PTPRQ: variants seen among roughly 807,000 people sequenced by gnomAD.
The protein encoded by PTPRQ is phosphatidylinositol phosphatase PTPRQ.
In PTPRQ, 199 loss-of-function variants were observed where a neutral mutation model predicts 246.0. The observed-to-expected ratio is 0.81, with a 90% CI of 0.72 to 0.91. The LOEUF (loss-of-function observed/expected upper bound fraction) is 0.91. PTPRQ is among the 40% of genes least tolerant of loss of function. PTPRQ has a pLI of 0.00. For missense variants in PTPRQ, 2,624 were observed against 2,528.4 expected (o/e 1.04, Z -0.81); for synonymous variants, 869 against 853.2 (o/e 1.02, Z -0.32).
At chr12:80,626,511 G>A (rs1899205747) in intron 33 of PTPRQ, among the ~76,000 whole-genome samples, 1 of 152,114 alleles carries the variant, frequency 6.6e-6, no homozygotes, top group Non-Finnish European at 1.5e-5. Flanking sequence ...ATAAACTCAT[G>A]CATCTTCACT....
chr12:80,504,439 A>G (rs1485086091), intron 14 of PTPRQ, among the ~76,000 whole-genome samples: 1 of 151,790 alleles, frequency 6.6e-6, no homozygotes, highest in Non-Finnish European at 1.5e-5. Flanking sequence ...ATTTCTTGAA[A>G]CACATTAAAC....
At chr12:80,609,410 G>C (rs1483016077) in intron 27 of PTPRQ, among the ~76,000 whole-genome samples, 2 of 150,564 alleles carry the variant, frequency 1.3e-5, no homozygotes, top group Non-Finnish European at 3.0e-5. Context: ...GGACTTAATA[G>C]TGTTCACTGT....
At chr12:80,669,233 AC>A (rs1900887778) in intron 40 of PTPRQ, 92 bp downstream of exon 40, 2 of 1,528,050 alleles carry the variant, frequency 1.3e-6, no homozygotes, top group Non-Finnish European at 1.8e-6. Flanking sequence ...GTCATCAATA[AC>A]CTGGACATCT....
chr12:80,589,191 G>A (rs1039850115), intron 26 of PTPRQ, among the ~76,000 whole-genome samples: 3 of 152,106 alleles, frequency 2.0e-5, no homozygotes, highest in African/African-American at 7.2e-5. Flanking sequence ...AGTAAAAAAT[G>A]TATATTCCTT....
chr12:80,452,186 C>A (rs1172964801), intron 3 of PTPRQ, among the ~76,000 whole-genome samples: 4 of 140,512 alleles, frequency 2.8e-5, no homozygotes, highest in Non-Finnish European at 4.6e-5. Context: ...AGGATTGCAA[C>A]CCCTGCCTTT....
rs1413606565 is a variant in PTPRQ, at chr12:80,638,500, A to C, written c.5915+3427A>C. On this transcript the variant is annotated intron_variant, in intron 35 of 44. Coordinates refer to ENST00000644991, the MANE Select transcript of PTPRQ (RefSeq NM_001145026.2). ...ACCAACTAGGCAAAAATAAAACAAA[A>C]AACAAACATGGTGCTTGGTACTAAG... Among the ~76,000 whole-genome samples, 4 of 152,296 alleles carry C rather than the reference A, an allele frequency of 2.6e-5. No homozygotes were observed. The South Asian group carries it at 8.3e-4, about 32-fold the overall frequency.
intron 20 of PTPRQ, among the ~76,000 whole-genome samples, chr12:80,541,253 C>T (rs962838440): frequency 6.6e-6 from 1 of 151,852 alleles, no homozygotes; most frequent in Non-Finnish European, 1.5e-5. Context: ...TATACATACA[C>T]ATATTATGCA....
At chr12:80,648,862 G>T in intron 35 of PTPRQ, 35 bp from the exon 36 acceptor site, 2 of 1,518,398 alleles carry the variant, frequency 1.3e-6, no homozygotes, top group South Asian at 2.6e-5. Flanking sequence ...TGTCCACTCT[G>T]ACTCACAATG....
chr12:80,463,179 G>C (rs1231599014), intron 6 of PTPRQ, among the ~76,000 whole-genome samples: 2 of 152,232 alleles, frequency 1.3e-5, no homozygotes, highest in Non-Finnish European at 2.9e-5. Context: ...TAAAGGAGCT[G>C]ATGGAGCTGA....
chr12:80,645,662 A>C (rs1191337740), intron 35 of PTPRQ, among the ~76,000 whole-genome samples: 1 of 151,920 alleles, frequency 6.6e-6, no homozygotes, highest in Non-Finnish European at 1.5e-5. Flanking sequence ...TGTCCTTGGA[A>C]ATTTGATTTT....
chr12:80,648,345 T>C (rs1415641231), intron 35 of PTPRQ, among the ~76,000 whole-genome samples: 2 of 152,114 alleles, frequency 1.3e-5, no homozygotes, highest in African/African-American at 4.8e-5. Flanking sequence ...ATTATTTTTG[T>C]TTACAGAGTA....
At chr12:80,602,565 GA>G (rs1476436593) in intron 26 of PTPRQ, among the ~76,000 whole-genome samples, 1 of 151,728 alleles carries the variant, frequency 6.6e-6, no homozygotes, top group African/African-American at 2.4e-5. Context: ...TCACACAGTG[GA>G]AAGCAGAAGA....
chr12:80,626,863 G>A (rs1554838), intron 33 of PTPRQ, among the ~76,000 whole-genome samples: 10,064 of 152,106 alleles, frequency 0.066, 410 homozygotes, highest in East Asian at 0.13. Flanking sequence ...GGCTTTTGAG[G>A]TTAGTGTTCA....
rs1896180360 is a variant in PTPRQ at position 80,542,313 on chromosome 12, A to G, written c.3670A>G (p.Arg1224Gly). ...LYSFFAAART[R>G]KGLGPSSILF... ...TAGCTTTTTTGCTGCCGCAAGAACT[A>G]GAAAAGGACTTGGTCCTTCCAGTAT... Residue 1224 changes from arginine to glycine, a missense_variant, in exon 22 of 45, where the codon AGA (arginine) becomes GGA (glycine). Coordinates refer to ENST00000644991, the MANE Select transcript of PTPRQ (RefSeq NM_001145026.2). The G allele has an allele frequency of 2.6e-6, 4 of 1,549,338 alleles. No individual in the cohort carries two copies. The highest frequency in any genetic ancestry group is 3.5e-6 in the Non-Finnish European group (4 of 1,146,290).
chr12:80,663,457 G>A lies in PTPRQ; in HGVS notation c.6192+5396G>A, dbSNP rs937312402. ...GGGTCAAGTTGCCTCAATCCTCAGTGCCACCTCCACATCATTCTCTATCCC... is the reference window on the plus strand; with the variant it reads ...GGGTCAAGTTGCCTCAATCCTCAGTACCACCTCCACATCATTCTCTATCCC... On this transcript the variant is annotated intron_variant, in intron 39 of 44. Transcript: ENST00000644991. Among the ~76,000 whole-genome samples the A allele has an allele frequency of 2.0e-5, 3 of 151,912 alleles. No homozygotes were observed. The East Asian group carries it at 5.8e-4, about 30-fold the overall frequency.
chr12:80,554,411 G>T (rs996004107), intron 25 of PTPRQ, among the ~76,000 whole-genome samples: 1 of 152,082 alleles, frequency 6.6e-6, no homozygotes, highest in African/African-American at 2.4e-5. Flanking sequence ...TAAATGTTGG[G>T]ATTTAATATT....
chr12:80,515,368 T>G (rs1895260098), intron 17 of PTPRQ, among the ~76,000 whole-genome samples: 1 of 152,162 alleles, frequency 6.6e-6, no homozygotes, highest in East Asian at 1.9e-4. Context: ...GTTGCCATTA[T>G]TTCAGCTGCT....
rs952255261 is a variant in PTPRQ, at chr12:80,626,674, T to C, written c.5686+4540T>C. ...TCAGACCCAGGCAGCGTGACCTCAG[T>C]CAGTGCTGTACTTGTAACCACTGCA... On this transcript the variant is annotated intron_variant, in intron 33 of 44. Transcript: ENST00000644991. Among the ~76,000 whole-genome samples, 7 of 152,234 alleles carry C rather than the reference T, an allele frequency of 4.6e-5. No homozygotes were observed. In the East Asian group the frequency reaches 7.7e-4, roughly 17 times the overall value.
At position 80,588,295 on chromosome 12, in the gene PTPRQ, A is replaced by C. The variant is rs1364975180; in HGVS notation, c.4452A>C (p.Glu1484Asp). ...AATGGGAATCCGAAGAATGTGTTGA[A>C]TATCAAAAAATTCAATACCTCTATG... ...CKEWESEECV[E>D]YQKIQYLYEA... The change falls in exon 26 of 45, where the codon GAA becomes GAC. Residue 1484 changes from glutamate to aspartate, a missense_variant. Glu to Asp is a conservative substitution (Grantham distance 45, BLOSUM62 2). Coordinates refer to ENST00000644991, the MANE Select transcript of PTPRQ (RefSeq NM_001145026.2). 1.9e-6 allele frequency: 3 copies of C among 1,551,620 alleles called. No homozygotes were observed. Among genetic ancestry groups the C allele is most frequent in the Non-Finnish European group, 1.7e-6 (2 of 1,146,926 alleles).
Sources: gnomAD v4.1 joint callset for allele counts (sites outside exome capture counted in the v4.1 genomes callset) on GRCh38, gnomAD v4.1.1 for gene constraint, MANE v1.5 for transcripts, NCBI Gene and HGNC (gene_info 2026-07-23, HGNC 2026-07-21) for gene names.